Variants in MRPS25 observed in about 807,000 individuals in gnomAD.
MRPS25 encodes small ribosomal subunit protein mS25.
Under a neutral mutation model 17.3 loss-of-function variants are expected in MRPS25, and 15 were observed. The ratio of observed to expected loss-of-function variants is 0.87; its 90% CI spans 0.58 to 1.34. The LOEUF is 1.34. Ranked by LOEUF, MRPS25 falls within the 40% of genes most tolerant of loss-of-function variation. The pLI, the probability that MRPS25 is intolerant of heterozygous loss-of-function variation, is 0.00. For missense variants in MRPS25, 225 were observed against 218.6 expected (o/e 1.03, Z -0.19); for synonymous variants, 94 against 83.3 (o/e 1.13, Z -0.70).
rs1331549928 is a variant in MRPS25 at position 15,053,428 on chromosome 3, C to T, written c.281G>A (p.Ser94Asn). Residue 94 changes from serine to asparagine, a missense_variant, in exon 3 of 4, where the codon AGC becomes AAC. Physicochemically the swap from Ser to Asn is conservative, Grantham distance 46. Transcript: ENST00000253686. ...GATGTGCTCCATGATCTCCTTATTGCTCTTGGTCTCCACATCCACCAGGAC... is the reference window on the plus strand; with the variant it reads ...GATGTGCTCCATGATCTCCTTATTGTTCTTGGTCTCCACATCCACCAGGAC... ...EQVLVDVETK[S>N]NKEIMEHIRK... 2 of 1,614,044 alleles carry T rather than the reference C, an allele frequency of 1.2e-6. No homozygotes were observed. Among genetic ancestry groups the T allele is most frequent in the East Asian group, 2.2e-5 (1 of 44,896 alleles).
At chr3:15,043,257 G>T, downstream of MRPS25, 1 of 314,212 alleles carries the variant, frequency 3.2e-6, no homozygotes, top group Non-Finnish European at 5.7e-6. Context: ...AACTCAATTT[G>T]TATTTAGAAA....
In MRPS25 at chr3:15,050,839, T is replaced by G. The variant is rs1368272704; in HGVS notation, c.*1602A>C. ...CAGAATCAAACTTGAGCATCAAATGTAAAAGATCCAAATCTGCTCAATTTA... is the reference window on the plus strand; with the variant it reads ...CAGAATCAAACTTGAGCATCAAATGGAAAAGATCCAAATCTGCTCAATTTA... On this transcript the variant is annotated 3_prime_UTR_variant, in exon 4 of 4. Transcript: ENST00000253686. 1.0e-6 allele frequency: 1 copy of G among 985,424 alleles called. No individual in the cohort carries two copies. Among genetic ancestry groups the G allele is most frequent in the Non-Finnish European group, 1.2e-6 (1 of 829,936 alleles). The allele number at this position is 985,424 out of a possible 1,614,324, so 61.0% of individuals were successfully genotyped here.
rs565531815 is a variant in MRPS25, at chr3:15,058,440, C to T, written c.241+929G>A. Among the ~76,000 whole-genome samples the T allele has an allele frequency of 1.6e-4, 25 of 152,338 alleles. No homozygotes were observed. The South Asian group carries it at 5.0e-3, about 30-fold the overall frequency. ...TCCTGACCTCGTGATCCACCCTCCT[C>T]GGCCTCCCAAAGTTCTGGGATTACA... On this transcript the variant is annotated intron_variant, in intron 2 of 3. Coordinates refer to ENST00000253686, the MANE Select transcript of MRPS25 (RefSeq NM_022497.5).
rs1299716533 is a variant in MRPS25, at chr3:15,048,840, C to T, written c.*3601G>A. 1.3e-5 allele frequency: 2 copies of T among 152,646 alleles called. No individual in the cohort carries two copies. The highest frequency in any genetic ancestry group is 2.9e-5 in the Non-Finnish European group (2 of 68,028). 9.5% of individuals were successfully genotyped at this position (152,646 alleles called of 1,614,324 possible). On this transcript the variant is annotated 3_prime_UTR_variant, in exon 4 of 4. Transcript: ENST00000253686. ...TTTGGACTTCTCTGTTAGAATGTAA[C>T]TGCATTACCAGCCCTTTTAAAGGCA...
Position 15,050,245 on chromosome 3 carries a change from T to C in MRPS25, c.*2196A>G. ...GGCAGTAACTGCACCACAGGACTGC[T>C]GCTGTCTCCACACGTCCTTTCAGGG... On this transcript the variant is annotated 3_prime_UTR_variant, in exon 4 of 4. Transcript: ENST00000253686. 8.7e-7 allele frequency: 1 copy of C among 1,145,866 alleles called. No individual in the cohort carries two copies. The highest frequency in any genetic ancestry group is 1.1e-6 in the Non-Finnish European group (1 of 931,012). 71.0% of individuals were successfully genotyped at this position (1,145,866 alleles called of 1,614,324 possible). A position where few individuals can be genotyped will look rare whatever the true frequency, so the allele number is the denominator to read the frequency against.
At chr3:15,055,163 C>T (rs2042654656) in intron 2 of MRPS25, among the ~76,000 whole-genome samples, 1 of 152,132 alleles carries the variant, frequency 6.6e-6, no homozygotes, top group Non-Finnish European at 1.5e-5. Context: ...ACCACAGTAC[C>T]AAAGCGGATG....
At chr3:15,064,013 C>T (rs1017834998) in intron 1 of MRPS25, among the ~76,000 whole-genome samples, 5 of 152,186 alleles carry the variant, frequency 3.3e-5, no homozygotes, top group East Asian at 3.8e-4. Flanking sequence ...GATTCACCTG[C>T]GCAGAGCAAA....
intron 2 of MRPS25, among the ~76,000 whole-genome samples, chr3:15,058,003 C>A (rs1258484167): frequency 1.3e-5 from 2 of 151,098 alleles, no homozygotes; most frequent in East Asian, 3.9e-4. Context: ...TGCCTCAGCC[C>A]CCCAAGTAGC....
intron 1 of MRPS25, among the ~76,000 whole-genome samples, chr3:15,061,979 G>A (rs1424185807): frequency 7.5e-5 from 11 of 145,798 alleles, no homozygotes; most frequent in Non-Finnish European, 1.4e-4. Context: ...CCTCCGCCCG[G>A]CAGCCGCCCC....
chr3:15,050,531 C>A lies in MRPS25; in HGVS notation c.*1910G>T. On this transcript the variant is annotated 3_prime_UTR_variant, in exon 4 of 4. Coordinates refer to ENST00000253686, the MANE Select transcript of MRPS25 (RefSeq NM_022497.5). ...AAGGAACTAGGTGCTTTCTGAAGAG[C>A]CCTTGCAGCCAAGTAGAACGCCCAG... The A allele has an allele frequency of 1.0e-6, 1 of 985,528 alleles. No homozygotes were observed. The highest frequency in any genetic ancestry group is 1.2e-6 in the Non-Finnish European group (1 of 830,082). 61.0% of individuals were successfully genotyped at this position (985,528 alleles called of 1,614,324 possible). A position where few individuals can be genotyped will look rare whatever the true frequency, so the allele number is the denominator to read the frequency against.
chr3:15,060,140 G>C (rs1289092954), intron 1 of MRPS25, among the ~76,000 whole-genome samples: 2 of 152,078 alleles, frequency 1.3e-5, no homozygotes, highest in African/African-American at 4.8e-5. Context: ...TGGAGGTTTG[G>C]GGGGTGAGAA....
chr3:15,051,671 G>C lies in MRPS25; in HGVS notation c.*770C>G. On this transcript the variant is annotated 3_prime_UTR_variant, in exon 4 of 4. Coordinates refer to ENST00000253686, the MANE Select transcript of MRPS25 (RefSeq NM_022497.5). ...AGCAGGGCCTGAGGGAGCCAGCAGA[G>C]CCAGCTATAGACACCATCCCCCCAG... 2 of 985,838 alleles carry C rather than the reference G, an allele frequency of 2.0e-6. No individual in the cohort carries two copies. Among genetic ancestry groups the C allele is most frequent in the Non-Finnish European group, 2.4e-6 (2 of 830,266 alleles). 61.1% of individuals were successfully genotyped at this position (985,838 alleles called of 1,614,324 possible).
Position 15,053,408 on chromosome 3 carries a change from G to A in MRPS25, c.301C>T (p.His101Tyr), listed in dbSNP as rs748048917. 7.2e-5 allele frequency: 117 copies of A among 1,613,926 alleles called. No individual in the cohort carries two copies. Among genetic ancestry groups the A allele is most frequent in the Middle Eastern group, 1.6e-4 (1 of 6,084 alleles). ...TTCTTCCCCAAGATTTTTCTGATGT[G>A]CTCCATGATCTCCTTATTGCTCTTG... ...ETKSNKEIME[H>Y]IRKILGKNEE... The change falls in exon 3 of 4, where the codon CAC (histidine) becomes TAC (tyrosine). Residue 101 changes from histidine (H) to tyrosine (Y), a missense_variant. Physicochemically the swap from His to Tyr is moderately conservative, Grantham distance 83. Coordinates refer to ENST00000253686, the MANE Select transcript of MRPS25 (RefSeq NM_022497.5).
downstream of MRPS25, chr3:15,046,674 T>TG (rs1663577150): frequency 1.3e-5 from 2 of 152,410 alleles, no homozygotes; most frequent in African/African-American, 4.8e-5. Context: ...TTATGTGCAA[T>TG]GGGGTCATAG....
chr3:15,043,563 A>T (rs2042347513), downstream of MRPS25: 1 of 152,692 alleles, frequency 6.5e-6, no homozygotes, highest in Non-Finnish European at 1.5e-5. Flanking sequence ...ACAATCATTT[A>T]TGTTTAAGAA....
chr3:15,060,053 A>T (rs893601773), intron 1 of MRPS25, among the ~76,000 whole-genome samples: 18 of 152,280 alleles, frequency 1.2e-4, no homozygotes, highest in Admixed American at 1.0e-3. Context: ...TTTACAAAGT[A>T]ATATTAATCT....
At chr3:15,057,381 A>G (rs2042686439) in intron 2 of MRPS25, among the ~76,000 whole-genome samples, 1 of 152,146 alleles carries the variant, frequency 6.6e-6, no homozygotes, top group Non-Finnish European at 1.5e-5. Context: ...GCATCTTACA[A>G]AAATCTAAAG....
chr3:15,051,625 T>C lies in MRPS25; in HGVS notation c.*816A>G. On this transcript the variant is annotated 3_prime_UTR_variant, in exon 4 of 4. Transcript: ENST00000253686. ...AGGAAGGTGCTCAGTAATGCAGCAC[T>C]CCCTCCTCCAGAGCTTGGTAAGCAG... 1 of 985,568 alleles carries C rather than the reference T, an allele frequency of 1.0e-6. No homozygotes were observed. Among genetic ancestry groups the C allele is most frequent in the Non-Finnish European group, 1.2e-6 (1 of 830,056 alleles). 61.1% of individuals were successfully genotyped at this position (985,568 alleles called of 1,614,324 possible).
chr3:15,053,109 G>C (rs1169873189), intron 3 of MRPS25, among the ~76,000 whole-genome samples: 1 of 152,184 alleles, frequency 6.6e-6, no homozygotes, highest in Non-Finnish European at 1.5e-5. Flanking sequence ...AGGGCCACAA[G>C]TCAGCTGCAT....
Sources: gnomAD v4.1 joint callset for allele counts (sites outside exome capture counted in the v4.1 genomes callset) on GRCh38, gnomAD v4.1.1 for gene constraint, MANE v1.5 for transcripts, NCBI Gene and HGNC (gene_info 2026-07-23, HGNC 2026-07-21) for gene names.